The following ARHGAP24 variants were observed in gnomAD, a reference collection of about 807,000 sequenced individuals.
The protein encoded by ARHGAP24 is rho GTPase-activating protein 24.
In ARHGAP24, 50 loss-of-function variants were observed where a neutral mutation model predicts 76.4. The observed-to-expected ratio is 0.65, with a 90% CI of 0.52 to 0.83. The LOEUF (loss-of-function observed/expected upper bound fraction) is 0.83, where lower values mean the gene tolerates loss of function less well. Ranked by LOEUF, ARHGAP24 falls within the 40% of genes least tolerant of loss-of-function variation. The probability of loss-of-function intolerance (pLI) is 0.00; values close to 1 mark genes in which losing one functional copy is unlikely to be tolerated. For missense variants in ARHGAP24, 930 were observed against 914.2 expected, an observed-to-expected ratio of 1.02 and a Z score of -0.22; for synonymous variants, 345 against 323.3, an observed-to-expected ratio of 1.07 and a Z score of -0.72.
chr4:85,661,856 T>C (rs1198601130), intron 2 of ARHGAP24, among the ~76,000 whole-genome samples: 2 of 152,216 alleles, frequency 1.3e-5, no homozygotes, highest in Admixed American at 6.5e-5. Flanking sequence ...CTCATCATTT[T>C]TTATGGCTGC....
At chr4:85,544,125 C>T (rs934987581) in intron 1 of ARHGAP24, among the ~76,000 whole-genome samples, 4 of 152,140 alleles carry the variant, frequency 2.6e-5, no homozygotes, top group African/African-American at 9.7e-5. Context: ...TTTCTGAGTC[C>T]ATAAGGGGCC....
At chr4:85,825,783 C>G (rs1187455478) in intron 3 of ARHGAP24, among the ~76,000 whole-genome samples, 1 of 152,232 alleles carries the variant, frequency 6.6e-6, no homozygotes, top group Non-Finnish European at 1.5e-5. Context: ...TAGTCAATAT[C>G]CTCAAGAAGT....
intron 3 of ARHGAP24, among the ~76,000 whole-genome samples, chr4:85,857,822 G>A (rs1414186269): frequency 6.6e-6 from 1 of 152,122 alleles, no homozygotes; most frequent in East Asian, 1.9e-4. Context: ...ATGCAGGTTA[G>A]TGAGCATGGT....
At chr4:85,878,904 C>T (rs1472643018) in intron 3 of ARHGAP24, among the ~76,000 whole-genome samples, 1 of 152,166 alleles carries the variant, frequency 6.6e-6, no homozygotes, top group Non-Finnish European at 1.5e-5. Flanking sequence ...TTTAAGATGT[C>T]ACCTTTGTGA....
At chr4:85,942,566 A>G in intron 5 of ARHGAP24, 1 of 316,162 alleles carries the variant, frequency 3.2e-6, no homozygotes, top group Non-Finnish European at 5.9e-6. Flanking sequence ...AATTTATAAA[A>G]TAGGATTCTT....
At chr4:85,849,818 A>G (rs1329249285) in intron 3 of ARHGAP24, among the ~76,000 whole-genome samples, 1 of 152,072 alleles carries the variant, frequency 6.6e-6, no homozygotes, top group Non-Finnish European at 1.5e-5. Context: ...TTGGTGGAGA[A>G]GCTTTTTGAT....
chr4:85,936,250 C>A (rs346502), intron 4 of ARHGAP24, among the ~76,000 whole-genome samples: 69,516 of 151,930 alleles, frequency 0.46, 17,815 homozygotes, highest in African/African-American at 0.7. Context: ...GCACGACCCA[C>A]GAACTATCAA....
intron 2 of ARHGAP24, among the ~76,000 whole-genome samples, chr4:85,703,189 C>T (rs373035198): frequency 1.3e-5 from 2 of 152,088 alleles, no homozygotes; most frequent in African/African-American, 4.8e-5. Context: ...TCACCAAGAC[C>T]ATAGACTTGT....
intron 1 of ARHGAP24, among the ~76,000 whole-genome samples, chr4:85,549,388 G>A (rs1324486853): frequency 2.0e-5 from 3 of 151,276 alleles, no homozygotes; most frequent in African/African-American, 7.3e-5. Flanking sequence ...TTTATAATGT[G>A]CAATTCTCTG....
At chr4:85,862,263 C>T (rs1731943418) in intron 3 of ARHGAP24, among the ~76,000 whole-genome samples, 2 of 151,960 alleles carry the variant, frequency 1.3e-5, no homozygotes, top group African/African-American at 4.8e-5. Flanking sequence ...GACTCCAGCA[C>T]AGCCATATGG....
chr4:85,718,770 G>A (rs1440061663), intron 2 of ARHGAP24, among the ~76,000 whole-genome samples: 1 of 152,098 alleles, frequency 6.6e-6, no homozygotes, highest in African/African-American at 2.4e-5. Flanking sequence ...TTTATATAAT[G>A]TCAAATAAGA....
intron 4 of ARHGAP24, among the ~76,000 whole-genome samples, chr4:85,924,318 C>T (rs141296336): frequency 9.2e-4 from 139 of 150,356 alleles, no homozygotes; most frequent in Non-Finnish European, 1.7e-3. Context: ...ATGTCAAGAA[C>T]GAGCTAAAAA....
chr4:85,872,793 G>T (rs956962118), intron 3 of ARHGAP24, among the ~76,000 whole-genome samples: 27 of 150,800 alleles, frequency 1.8e-4, no homozygotes, highest in Admixed American at 5.3e-4. Flanking sequence ...TAGAGATGGG[G>T]TCTTGCCATG....
chr4:86,000,449 ACCCCCCAC>A, intron 9 of ARHGAP24, 22 bp from the exon 10 acceptor site: 13 of 383,170 alleles, frequency 3.4e-5, no homozygotes, highest in Non-Finnish European at 5.1e-5. Flanking sequence ...TTGCGTCCCC[ACCCCCCAC>A]CCCCCCCAAC....
At chr4:85,673,978 C>A (rs1722891896) in intron 2 of ARHGAP24, among the ~76,000 whole-genome samples, 1 of 151,350 alleles carries the variant, frequency 6.6e-6, no homozygotes, top group Admixed American at 6.6e-5. Context: ...GGTAGAAAAT[C>A]TGGACTAATG....
At chr4:85,707,852 C>T (rs1011643183) in intron 2 of ARHGAP24, among the ~76,000 whole-genome samples, 1 of 152,122 alleles carries the variant, frequency 6.6e-6, no homozygotes, top group Non-Finnish European at 1.5e-5. Context: ...TCTGAGTACT[C>T]ACAACGCAGC....
chr4:85,956,572 TATAGCTCTATTAGAAGCCGTGGGTC>T (rs979615718), intron 5 of ARHGAP24, among the ~76,000 whole-genome samples: 212 of 152,266 alleles, frequency 1.4e-3, no homozygotes, highest in Admixed American at 1.5e-3. Context: ...CAGTCAGTGT[TATAGCTCTATTAGAAGCCGTGGGTC>T]ATAGCTCTAT....
At chr4:85,536,062 G>C (rs1410107574) in intron 1 of ARHGAP24, among the ~76,000 whole-genome samples, 3 of 151,954 alleles carry the variant, frequency 2.0e-5, no homozygotes, top group Admixed American at 2.0e-4. Context: ...AAATTTGACA[G>C]CAGTATTTAT....
intron 3 of ARHGAP24, among the ~76,000 whole-genome samples, chr4:85,724,528 T>G (rs1379366372): frequency 9.3e-6 from 1 of 107,832 alleles, no homozygotes; most frequent in East Asian, 8.7e-4. Context: ...TATATATATA[T>G]AGGAATTTTT....
Sources: gnomAD v4.1 joint callset for allele counts (sites outside exome capture counted in the v4.1 genomes callset) on GRCh38, gnomAD v4.1.1 for gene constraint, MANE v1.5 for transcripts, NCBI Gene and HGNC (gene_info 2026-07-23, HGNC 2026-07-21) for gene names.